The following CDH13 variants were observed in gnomAD, a reference collection of about 807,000 sequenced individuals.
CDH13 encodes the protein cadherin-13.
A neutral mutation model predicts 63.8 loss-of-function variants in CDH13; 24 were observed. That is an observed-to-expected ratio of 0.38 (90% CI 0.27 to 0.53). The LOEUF (loss-of-function observed/expected upper bound fraction) is 0.53, where lower values mean the gene tolerates loss of function less well. Among genes scored for constraint, CDH13 ranks in the 20% least tolerant of loss-of-function variants. CDH13 has a pLI of 0.85. For synonymous variants in CDH13, 503 were observed against 355.3 expected (o/e 1.42, Z -4.67); for missense variants, 1,049 against 903.1 (o/e 1.16, Z -2.07).
chr16:83,257,953 TAGTC>T (rs1482322140), intron 5 of CDH13, among the ~76,000 whole-genome samples: 1 of 152,190 alleles, frequency 6.6e-6, no homozygotes, highest in Admixed American at 6.5e-5. Flanking sequence ...TTTTTAATAT[TAGTC>T]ATTCTAACTG....
intron 1 of CDH13, among the ~76,000 whole-genome samples, chr16:82,687,511 T>TCA (rs370936095): frequency 7.9e-5 from 12 of 152,086 alleles, no homozygotes; most frequent in Admixed American, 2.0e-4. Context: ...AGGAGCAAAG[T>TCA]CACATCTTGC....
At chr16:82,767,323 C>G (rs541417492) in intron 1 of CDH13, among the ~76,000 whole-genome samples, 1 of 152,172 alleles carries the variant, frequency 6.6e-6, no homozygotes, top group African/African-American at 2.4e-5. Flanking sequence ...GCAAAAGTAA[C>G]CATTGCTCTG....
At chr16:83,602,070 G>A (rs1257184166) in intron 7 of CDH13, among the ~76,000 whole-genome samples, 1 of 105,852 alleles carries the variant, frequency 9.4e-6, no homozygotes, top group Non-Finnish European at 1.7e-5. Flanking sequence ...TCTAGAGAGT[G>A]AGACTCTGTC....
rs1453234998 is a variant in CDH13 at position 83,445,233 on chromosome 16, GTTTATAATTTATAAAAGCT to G, written c.782-41207_782-41189del. 9.0e-3 allele frequency among the ~76,000 whole-genome samples: 1,250 copies of G among 139,306 alleles called. 19 individuals are homozygous for G. Among genetic ancestry groups the G allele is most frequent in the African/African-American group, 0.03 (1,189 of 39,492 alleles). 91.4% of individuals were successfully genotyped at this position (139,306 alleles called of 152,430 possible). On this transcript the variant is annotated intron_variant, in intron 6 of 13. Coordinates refer to ENST00000567109, the MANE Select transcript of CDH13 (RefSeq NM_001257.5). ...AGCTGAGGAAACTGAGGCTGCGAGA[GTTTATAATTTATAAAAGCT>G]TTTATAATTTATAAAAGCTTTTATA...
chr16:83,448,804 T>G (rs76847764), intron 6 of CDH13, among the ~76,000 whole-genome samples: 2,857 of 152,180 alleles, frequency 0.019, 87 homozygotes, highest in African/African-American at 0.065. Context: ...TTGGGGAGGA[T>G]AGGGTGGACT....
intron 4 of CDH13, among the ~76,000 whole-genome samples, chr16:83,191,484 T>G (rs59380529): frequency 9.1e-6 from 1 of 109,640 alleles, no homozygotes; most frequent in African/African-American, 3.5e-5. Flanking sequence ...TATATATATA[T>G]ATATGCACAT....
At chr16:82,733,774 A>G (rs950388496) in intron 1 of CDH13, among the ~76,000 whole-genome samples, 2 of 152,250 alleles carry the variant, frequency 1.3e-5, no homozygotes, top group African/African-American at 4.8e-5. Flanking sequence ...TAAGATATGA[A>G]GAGAAAAGAA....
chr16:83,402,838 CT>C (rs2091988331), intron 6 of CDH13, among the ~76,000 whole-genome samples: 1 of 152,044 alleles, frequency 6.6e-6, no homozygotes, highest in Non-Finnish European at 1.5e-5. Context: ...ACTATATTTT[CT>C]TTTCTGTCCC....
At chr16:83,070,478 C>T (rs970245064) in intron 3 of CDH13, among the ~76,000 whole-genome samples, 3 of 152,038 alleles carry the variant, frequency 2.0e-5, no homozygotes, top group African/African-American at 7.3e-5. Flanking sequence ...GAGTGTTTTA[C>T]TGTTGATGTT....
At chr16:83,589,277 T>TCCC (rs1246153774) in intron 7 of CDH13, among the ~76,000 whole-genome samples, 9 of 30,722 alleles carry the variant, frequency 2.9e-4, no homozygotes, top group Non-Finnish European at 4.1e-4. Flanking sequence ...CTTTCTCCCT[T>TCCC]TCCCCCCCCC....
At chr16:82,925,327 G>T (rs1223567679) in intron 2 of CDH13, among the ~76,000 whole-genome samples, 3 of 152,200 alleles carry the variant, frequency 2.0e-5, no homozygotes. Context: ...TGTTACTGCA[G>T]ATAATTGCCA....
rs547866940 is a variant in CDH13 at position 83,570,689 on chromosome 16, A to T, written c.961-31765A>T. 5.5e-5 allele frequency among the ~76,000 whole-genome samples: 8 copies of T among 145,906 alleles called. No individual in the cohort carries two copies. The East Asian group carries it at 5.9e-4, about 11-fold the overall frequency. ...CATCCTTTTATATATATAAAAAAAA[A>T]TTTAAATTTATTATTTATATATTTA... is the stretch of plus-strand genomic sequence containing the variant. On this transcript the variant is annotated intron_variant, in intron 7 of 13. Transcript: ENST00000567109.
chr16:82,972,904 T>G (rs187601730), intron 2 of CDH13, among the ~76,000 whole-genome samples: 1 of 152,278 alleles, frequency 6.6e-6, no homozygotes, highest in East Asian at 1.9e-4. Context: ...ACAACCTGAT[T>G]TTAATGAACC....
At chr16:83,310,116 T>C (rs2089967943) in intron 5 of CDH13, among the ~76,000 whole-genome samples, 1 of 152,184 alleles carries the variant, frequency 6.6e-6, no homozygotes, top group Non-Finnish European at 1.5e-5. Flanking sequence ...TACTGTGCAT[T>C]GGAAGTGACA....
intron 5 of CDH13, among the ~76,000 whole-genome samples, chr16:83,259,156 G>A (rs1037585652): frequency 6.6e-6 from 1 of 152,150 alleles, no homozygotes; most frequent in Non-Finnish European, 1.5e-5. Flanking sequence ...GAGGGGGACA[G>A]TCACTAAGAA....
rs1172467276 is a variant in CDH13, at chr16:82,705,391, C to G, written c.45+78254C>G. 1.5e-5 allele frequency: 4 copies of G among 271,442 alleles called. No homozygotes were observed. In the Admixed American group the frequency reaches 1.5e-4, roughly 10 times the overall value. The allele number at this position is 271,442 out of a possible 1,614,324, so 16.8% of individuals were successfully genotyped here. A position where few individuals can be genotyped will look rare whatever the true frequency, so the allele number is the denominator to read the frequency against. Reference sequence around the variant, plus strand: ...TACGCTAATACAGTGTCTCATTAGCCAAGCCACACAATCGCCTCTAGTGGT... The same window carrying G: ...TACGCTAATACAGTGTCTCATTAGCGAAGCCACACAATCGCCTCTAGTGGT... On this transcript the variant is annotated intron_variant, in intron 1 of 13. Coordinates refer to ENST00000567109, the MANE Select transcript of CDH13 (RefSeq NM_001257.5).
intron 6 of CDH13, among the ~76,000 whole-genome samples, chr16:83,349,653 T>G (rs190491471): frequency 2.0e-5 from 3 of 151,420 alleles, no homozygotes; most frequent in Non-Finnish European, 4.4e-5. Flanking sequence ...CAGGCTGGAG[T>G]GCAATAGTAT....
chr16:83,567,378 T>C (rs539642668), intron 7 of CDH13, among the ~76,000 whole-genome samples: 2 of 152,262 alleles, frequency 1.3e-5, no homozygotes, highest in Admixed American at 6.5e-5. Flanking sequence ...CCCCCTTGAG[T>C]CCAGGGCGTA....
chr16:82,660,814 C>T (rs932129268), intron 1 of CDH13, among the ~76,000 whole-genome samples: 3 of 152,094 alleles, frequency 2.0e-5, no homozygotes, highest in Admixed American at 2.0e-4. Context: ...ACGTCTGCTG[C>T]TGCTGCTTCA....
Sources: gnomAD v4.1 joint callset for allele counts (sites outside exome capture counted in the v4.1 genomes callset) on GRCh38, gnomAD v4.1.1 for gene constraint, MANE v1.5 for transcripts, NCBI Gene and HGNC (gene_info 2026-07-23, HGNC 2026-07-21) for gene names.